CNTNAP2: variants seen among roughly 807,000 people sequenced by gnomAD.
The protein encoded by CNTNAP2 is contactin-associated protein-like 2.
CNTNAP2 carries 98 observed loss-of-function variants against 155.2 expected under a neutral mutation model. That is an observed-to-expected ratio of 0.63 (90% CI 0.54 to 0.75). CNTNAP2 has a LOEUF of 0.75. Among genes scored for constraint, CNTNAP2 ranks in the 30% least tolerant of loss-of-function variants. The pLI, the probability that CNTNAP2 is intolerant of heterozygous loss-of-function variation, is 0.00. For missense variants in CNTNAP2, 1,727 were observed against 1,688.1 expected, an observed-to-expected ratio of 1.02 and a Z score of -0.40; for synonymous variants, 651 against 631.2, an observed-to-expected ratio of 1.03 and a Z score of -0.47.
chr7:148,355,244 C>T (rs974899486), intron 21 of CNTNAP2, among the ~76,000 whole-genome samples: 16 of 115,980 alleles, frequency 1.4e-4, no homozygotes, highest in Admixed American at 9.5e-4. Context: ...TGCAGTGGTG[C>T]GATCTCGGCT....
chr7:147,543,021 G>GAC (rs772506070), intron 11 of CNTNAP2, among the ~76,000 whole-genome samples: 3 of 152,178 alleles, frequency 2.0e-5, no homozygotes, highest in Non-Finnish European at 2.9e-5. Flanking sequence ...AGGAATTAAA[G>GAC]ACACACACAC....
chr7:146,959,909 C>A (rs1797521565), intron 3 of CNTNAP2, among the ~76,000 whole-genome samples: 2 of 152,042 alleles, frequency 1.3e-5, no homozygotes, highest in Non-Finnish European at 2.9e-5. Context: ...CCTAGGGATT[C>A]CAACTTTAGA....
intron 17 of CNTNAP2, among the ~76,000 whole-genome samples, chr7:148,165,171 C>T (rs1226765435): frequency 2.0e-5 from 3 of 152,160 alleles, no homozygotes; most frequent in South Asian, 4.1e-4. Context: ...GGGTTGCTTT[C>T]TTCTGAGGCT....
At chr7:146,746,604 C>T (rs1286907451) in intron 1 of CNTNAP2, among the ~76,000 whole-genome samples, 1 of 152,014 alleles carries the variant, frequency 6.6e-6, no homozygotes, top group African/African-American at 2.4e-5. Context: ...TGCAATTTTA[C>T]CAATCAAATA....
At chr7:147,006,385 C>G (rs1798524144) in intron 3 of CNTNAP2, among the ~76,000 whole-genome samples, 1 of 151,998 alleles carries the variant, frequency 6.6e-6, no homozygotes, top group South Asian at 2.1e-4. Context: ...AAATAGAAAT[C>G]TCCTTTATAC....
intron 1 of CNTNAP2, among the ~76,000 whole-genome samples, chr7:146,197,135 TA>T (rs1383002281): frequency 6.6e-6 from 1 of 152,174 alleles, no homozygotes; most frequent in Admixed American, 6.5e-5. Flanking sequence ...TCATTTTTCC[TA>T]GTGTATGATA....
intron 21 of CNTNAP2, among the ~76,000 whole-genome samples, chr7:148,293,358 T>C (rs532485581): frequency 8.1e-4 from 124 of 152,322 alleles, no homozygotes; most frequent in African/African-American, 2.7e-3. Flanking sequence ...TTCTGGTATA[T>C]GGATATGTCT....
At chr7:148,208,041 A>G (rs758534887) in intron 18 of CNTNAP2, among the ~76,000 whole-genome samples, 5 of 151,810 alleles carry the variant, frequency 3.3e-5, no homozygotes, top group Admixed American at 6.6e-5. Context: ...GTGAGCCAAG[A>G]TTACGCCACT....
At chr7:148,123,688 AAG>A (rs1804654422) in intron 16 of CNTNAP2, among the ~76,000 whole-genome samples, 1 of 142,136 alleles carries the variant, frequency 7.0e-6, no homozygotes, top group Non-Finnish European at 1.5e-5. Flanking sequence ...AGGAAGGAAA[AAG>A]AAAGAGAAAG....
intron 9 of CNTNAP2, among the ~76,000 whole-genome samples, chr7:147,373,087 G>A (rs941093151): frequency 2.0e-5 from 3 of 151,876 alleles, no homozygotes; most frequent in African/African-American, 4.8e-5. Context: ...ATTCTAACCC[G>A]TTATTGTTAA....
At chr7:146,377,843 G>A (rs915523560) in intron 1 of CNTNAP2, among the ~76,000 whole-genome samples, 15 of 152,324 alleles carry the variant, frequency 9.8e-5, no homozygotes, top group Non-Finnish European at 1.9e-4. Flanking sequence ...AATTGTTGAA[G>A]TTGGATTATG....
chr7:146,504,148 T>C (rs1242072522), intron 1 of CNTNAP2, among the ~76,000 whole-genome samples: 1 of 152,226 alleles, frequency 6.6e-6, no homozygotes, highest in Non-Finnish European at 1.5e-5. Flanking sequence ...CCACTTTCCT[T>C]ACGCTCCACC....
intron 14 of CNTNAP2, among the ~76,000 whole-genome samples, chr7:147,941,188 G>C (rs1585040210): frequency 1.3e-5 from 2 of 152,188 alleles, no homozygotes; most frequent in Admixed American, 1.3e-4. Context: ...AGGAGAATTT[G>C]AGGAAGACAT....
At chr7:147,441,107 C>G (rs1033202642) in intron 10 of CNTNAP2, among the ~76,000 whole-genome samples, 1 of 152,024 alleles carries the variant, frequency 6.6e-6, no homozygotes, top group South Asian at 2.1e-4. Context: ...CTTAGATTTG[C>G]CCTTTTGAGG....
At chr7:146,362,906 G>C (rs539866143) in intron 1 of CNTNAP2, among the ~76,000 whole-genome samples, 2 of 151,942 alleles carry the variant, frequency 1.3e-5, no homozygotes, top group East Asian at 3.9e-4. Context: ...AAGTAGCTGG[G>C]ACTACAGGCG....
intron 15 of CNTNAP2, among the ~76,000 whole-genome samples, chr7:148,109,351 G>GTGTTTTGTTTTGTTTTGTTT (rs71188946): frequency 4.0e-4 from 59 of 147,094 alleles, no homozygotes; most frequent in Non-Finnish European, 5.8e-4. Flanking sequence ...AAGAAGAGAG[G>GTGTTTTGTTTTGTTTTGTTT]TGTTTTGTTT....
At chr7:146,430,733 T>C (rs1474582692) in intron 1 of CNTNAP2, among the ~76,000 whole-genome samples, 1 of 152,056 alleles carries the variant, frequency 6.6e-6, no homozygotes, top group Non-Finnish European at 1.5e-5. Context: ...ATTCTAATTA[T>C]TTTTCTACCA....
At chr7:146,566,433 AG>A (rs1798357610) in intron 1 of CNTNAP2, among the ~76,000 whole-genome samples, 1 of 152,158 alleles carries the variant, frequency 6.6e-6, no homozygotes, top group Admixed American at 6.5e-5. Flanking sequence ...TTATCTTGGA[AG>A]ATTCCACTAA....
chr7:147,502,511 G>A (rs1292546256), intron 11 of CNTNAP2, among the ~76,000 whole-genome samples: 1 of 152,122 alleles, frequency 6.6e-6, no homozygotes, highest in Non-Finnish European at 1.5e-5. Flanking sequence ...GGACAATGGA[G>A]AAATGTTGAT....
Sources: allele counts gnomAD v4.1 joint callset (sites outside exome capture counted in the v4.1 genomes callset), GRCh38; gene constraint gnomAD v4.1.1; transcripts MANE v1.5; gene names NCBI Gene and HGNC (gene_info 2026-07-23, HGNC 2026-07-21).